Variants in TRPM3 observed in about 807,000 individuals in gnomAD.
The protein encoded by TRPM3 is long transient receptor potential channel 3.
A neutral mutation model predicts 181.2 loss-of-function variants in TRPM3; 77 were observed. The ratio of observed to expected loss-of-function variants is 0.42; its 90% CI spans 0.35 to 0.51. The LOEUF (loss-of-function observed/expected upper bound fraction) is 0.51. Among genes scored for constraint, TRPM3 ranks in the 20% least tolerant of loss-of-function variants. TRPM3 has a pLI of 0.01. For synonymous variants in TRPM3, 745 were observed against 796.4 expected (o/e 0.94, Z 1.09); for missense variants, 1,759 against 2,196.7 (o/e 0.80, Z 3.98).
At chr9:70,982,880 T>C (rs974755960) in intron 1 of TRPM3, among the ~76,000 whole-genome samples, 2 of 152,120 alleles carry the variant, frequency 1.3e-5, no homozygotes, top group Admixed American at 6.6e-5. Flanking sequence ...TTTCTATTTT[T>C]AGTAAAGATG....
At chr9:70,983,389 T>C (rs181853096) in intron 1 of TRPM3, among the ~76,000 whole-genome samples, 23 of 152,192 alleles carry the variant, frequency 1.5e-4, no homozygotes, top group African/African-American at 4.8e-4. Context: ...TCCAAGTGCC[T>C]ACCAGATATA....
At chr9:71,292,231 C>A (rs571108391) in intron 1 of TRPM3, among the ~76,000 whole-genome samples, 2 of 152,070 alleles carry the variant, frequency 1.3e-5, no homozygotes, top group East Asian at 3.9e-4. Context: ...TGCATACACA[C>A]ATACACAGGG....
At chr9:70,696,936 C>G (rs925434826) in intron 8 of TRPM3, among the ~76,000 whole-genome samples, 2 of 151,952 alleles carry the variant, frequency 1.3e-5, no homozygotes, top group African/African-American at 4.8e-5. Context: ...AGAGAAAATC[C>G]CTTGTTTATT....
At chr9:71,275,074 AAT>A (rs2084089748) in intron 1 of TRPM3, among the ~76,000 whole-genome samples, 1 of 152,222 alleles carries the variant, frequency 6.6e-6, no homozygotes, top group African/African-American at 2.4e-5. Flanking sequence ...AGGAAAAAAA[AAT>A]AAAAGCATAA....
chr9:70,640,766 C>A, intron 9 of TRPM3, 106 bp from the exon 10 acceptor site: 1 of 807,124 alleles, frequency 1.2e-6, no homozygotes, highest in South Asian at 1.7e-5. Context: ...CCCCTATTCC[C>A]AAAGAGCCTG....
intron 1 of TRPM3, among the ~76,000 whole-genome samples, chr9:71,351,048 T>C (rs553111822): frequency 3.3e-5 from 5 of 152,154 alleles, no homozygotes; most frequent in African/African-American, 4.8e-5. Flanking sequence ...AGGCCAAGAG[T>C]GTGACAGGAT....
intron 1 of TRPM3, among the ~76,000 whole-genome samples, chr9:71,384,907 A>ATTAACT (rs1305776005): frequency 9.2e-5 from 14 of 152,214 alleles, no homozygotes; most frequent in Non-Finnish European, 7.3e-5. Flanking sequence ...TTCTTCAGTT[A>ATTAACT]ATAAAAATCT....
chr9:71,061,020 T>C (rs1241899948), intron 1 of TRPM3, among the ~76,000 whole-genome samples: 1 of 152,090 alleles, frequency 6.6e-6, no homozygotes, highest in African/African-American at 2.4e-5. Flanking sequence ...TGGGTCTTTA[T>C]CCCTCTAAAA....
intron 22 of TRPM3, among the ~76,000 whole-genome samples, chr9:70,574,349 A>G (rs976795950): frequency 5.9e-5 from 9 of 151,962 alleles, no homozygotes; most frequent in African/African-American, 1.5e-4. Context: ...CAGGAGGAGT[A>G]CCCTCCCCTC....
At chr9:70,917,570 T>TTTTTTTTTTTTTTTTTTTTTTTTTTTTG in intron 1 of TRPM3, 1 of 594,886 alleles carries the variant, frequency 1.7e-6, no homozygotes, top group Non-Finnish European at 3.1e-6. Context: ...TAAGTTGTTA[T>TTTTTTTTTTTTTTTTTTTTTTTTTTTTG]ATCAACTTAA....
In TRPM3 at chr9:71,144,501, C is replaced by G. The variant is rs111255124; in HGVS notation, c.184-279990G>C. Among the ~76,000 whole-genome samples the G allele has an allele frequency of 8.3e-4, 126 of 152,162 alleles. 1 individual carries two copies. Among genetic ancestry groups the G allele is most frequent in the African/African-American group, 2.4e-3 (98 of 41,538 alleles). ...TGTACCCTTAAGATAAGAAGAATAT[C>G]GTGAGATTTGGGACTTGGCTTAGGG... is the stretch of plus-strand genomic sequence containing the variant. On this transcript the variant is annotated intron_variant, in intron 1 of 24. Coordinates refer to the TRPM3 transcript ENST00000357533.
chr9:71,166,220 A>G (rs188699594), intron 1 of TRPM3, among the ~76,000 whole-genome samples: 1 of 152,138 alleles, frequency 6.6e-6, no homozygotes, highest in South Asian at 2.1e-4. Flanking sequence ...GTCGGCAGCC[A>G]CAGAAGTCAC....
intron 1 of TRPM3, among the ~76,000 whole-genome samples, chr9:71,324,316 A>G (rs1446307790): frequency 1.3e-5 from 2 of 152,132 alleles, no homozygotes; most frequent in African/African-American, 4.8e-5. Flanking sequence ...AGTCTCTTAA[A>G]TAATCCAAAG....
At chr9:71,012,425 C>A (rs558164) in intron 1 of TRPM3, among the ~76,000 whole-genome samples, 326 of 148,908 alleles carry the variant, frequency 2.2e-3, no homozygotes, top group Middle Eastern at 6.9e-3. Flanking sequence ...TTTTTAACAT[C>A]TGGCAGAGTT....
chr9:70,759,217 C>T (rs187368026), intron 8 of TRPM3, among the ~76,000 whole-genome samples: 2 of 152,104 alleles, frequency 1.3e-5, no homozygotes, highest in Non-Finnish European at 2.9e-5. Context: ...ACGCAGCTAA[C>T]AAACATATGG....
At chr9:70,832,140 T>C (rs1280514130) in intron 5 of TRPM3, among the ~76,000 whole-genome samples, 1 of 89,992 alleles carries the variant, frequency 1.1e-5, no homozygotes, top group African/African-American at 4.5e-5. Context: ...TGGGGACTGT[T>C]GTGGGGTGGG....
At chr9:70,618,770 T>G in intron 17 of TRPM3, 97 bp downstream of exon 17, 1 of 997,168 alleles carries the variant, frequency 1.0e-6, no homozygotes, top group Non-Finnish European at 1.5e-6. Context: ...CCTCCTGAGA[T>G]AAGAGGATGC....
At chr9:70,893,927 C>T (rs2096247220) in intron 1 of TRPM3, among the ~76,000 whole-genome samples, 1 of 152,114 alleles carries the variant, frequency 6.6e-6, no homozygotes, top group African/African-American at 2.4e-5. Flanking sequence ...ATGAGGTAAG[C>T]ACAAATTTCT....
intron 6 of TRPM3, among the ~76,000 whole-genome samples, chr9:70,819,703 G>C (rs897316968): frequency 1.3e-5 from 2 of 152,164 alleles, no homozygotes; most frequent in African/African-American, 4.8e-5. Context: ...TAATCCCTTA[G>C]ACTAGATTAC....
Sources: allele counts gnomAD v4.1 joint callset (sites outside exome capture counted in the v4.1 genomes callset), GRCh38; gene constraint gnomAD v4.1.1; transcripts MANE v1.5; gene names NCBI Gene and HGNC (gene_info 2026-07-23, HGNC 2026-07-21).